Variants in NEMP2 observed in about 807,000 individuals in gnomAD.
NEMP2 encodes UPF0571 transmembrane protein.
In NEMP2, 53 loss-of-function variants were observed where a neutral mutation model predicts 54.2. That is an observed-to-expected ratio of 0.98 (90% CI 0.78 to 1.23). The LOEUF (loss-of-function observed/expected upper bound fraction) is 1.23, where lower values mean the gene tolerates loss of function less well. NEMP2 is among the 50% of genes most tolerant of loss of function. The pLI is 0.00. For synonymous variants in NEMP2, 197 were observed against 190.3 expected (o/e 1.04, Z -0.29); for missense variants, 455 against 511.3 (o/e 0.89, Z 1.06).
At chr2:190,500,975 A>G (rs1316912895), downstream of NEMP2, 1 of 152,234 alleles carries the variant, frequency 6.6e-6, no homozygotes, top group African/African-American at 2.4e-5. The surrounding 1 kb of genome is among the most constrained non-coding windows in gnomAD (Gnocchi z 5.3). Flanking sequence ...TTTCAAATCA[A>G]CCAACCAACT....
chr2:190,597,221 T>C, the NEMP2 span, among the ~76,000 whole-genome samples: 10 of 149,938 alleles, frequency 6.7e-5, no homozygotes, highest in Non-Finnish European at 1.3e-4. The surrounding 1 kb of genome is among the most constrained non-coding windows in gnomAD (Gnocchi z 4.7). Flanking sequence ...GCCATGATCA[T>C]GTCACTGCAC....
the NEMP2 span, among the ~76,000 whole-genome samples, chr2:190,475,410 A>G: frequency 2.6e-5 from 4 of 152,222 alleles, 1 homozygote; most frequent in African/African-American, 4.8e-5. Flanking sequence ...AAGCATTCTT[A>G]TATACCAGTA....
At chr2:190,430,876 C>G in the NEMP2 span, among the ~76,000 whole-genome samples, 1 of 142,464 alleles carries the variant, frequency 7.0e-6, no homozygotes, top group Non-Finnish European at 1.5e-5. Context: ...GACGGGGCGG[C>G]TGCCGGGCGG....
At chr2:190,588,917 C>T in the NEMP2 span, among the ~76,000 whole-genome samples, 1 of 152,100 alleles carries the variant, frequency 6.6e-6, no homozygotes, top group Non-Finnish European at 1.5e-5. This position sits in a 1 kb window ranked among gnomAD's most constrained non-coding sequence, Gnocchi z 5.0. Flanking sequence ...CAATTTCTTT[C>T]GTAGTCAAGG....
At position 190,525,399 on chromosome 2, in the gene NEMP2, T is replaced by C. The variant is rs1159461293; in HGVS notation, c.98-21A>G. On this transcript the variant is annotated intron_variant, in intron 1 of 8. Coordinates refer to ENST00000409150, the MANE Select transcript of NEMP2 (RefSeq NM_001142645.2). The surrounding 1 kb of genome is among the most constrained non-coding windows in gnomAD (Gnocchi z 5.0). ...ACGAACTGAGAGATGGAAAAGGGAA[T>C]GCATTTTCTAACTGTTTAATTGCCC... 2 of 1,415,208 alleles carry C rather than the reference T, an allele frequency of 1.4e-6. No homozygotes were observed. Among genetic ancestry groups the C allele is most frequent in the Non-Finnish European group, 1.9e-6 (2 of 1,030,760 alleles). The allele number at this position is 1,415,208 out of a possible 1,614,324, so 87.7% of individuals were successfully genotyped here.
At chr2:190,474,148 T>G in the NEMP2 span, among the ~76,000 whole-genome samples, 1 of 149,442 alleles carries the variant, frequency 6.7e-6, no homozygotes, top group Non-Finnish European at 1.5e-5. Context: ...ACATCACAAT[T>G]AAAAGAACTA....
chr2:190,521,407 G>A lies in NEMP2; in HGVS notation c.214-2224C>T, dbSNP rs867449958. On this transcript the variant is annotated intron_variant, in intron 2 of 8. Coordinates refer to ENST00000409150, the MANE Select transcript of NEMP2 (RefSeq NM_001142645.2). This position sits in a 1 kb window ranked among gnomAD's most constrained non-coding sequence, Gnocchi z 6.2. Reference sequence around the variant, plus strand: ...TACAGGCTCCATAAAGGTAAGTCCCGACTTGGGCACGGGATCCTATCCACG... The same window carrying A: ...TACAGGCTCCATAAAGGTAAGTCCCAACTTGGGCACGGGATCCTATCCACG... 2.0e-5 allele frequency among the ~76,000 whole-genome samples: 3 copies of A among 152,208 alleles called. No homozygotes were observed. The highest frequency in any genetic ancestry group is 3.4e-3 in the Middle Eastern group (1 of 294).
chr2:190,563,868 T>C, the NEMP2 span, among the ~76,000 whole-genome samples: 1 of 152,226 alleles, frequency 6.6e-6, no homozygotes, highest in Non-Finnish European at 1.5e-5. The surrounding 1 kb of genome is among the most constrained non-coding windows in gnomAD (Gnocchi z 4.3). Context: ...ATCAAAGCCC[T>C]GCCAAGGCCT....
At chr2:190,612,338 T>C in the NEMP2 span, among the ~76,000 whole-genome samples, 3 of 152,078 alleles carry the variant, frequency 2.0e-5, no homozygotes, top group Non-Finnish European at 4.4e-5. Flanking sequence ...GTATTTTTAG[T>C]AGAGATGGGG....
At chr2:190,423,445 T>C in the NEMP2 span, among the ~76,000 whole-genome samples, 1 of 152,238 alleles carries the variant, frequency 6.6e-6, no homozygotes, top group African/African-American at 2.4e-5. This position sits in a 1 kb window ranked among gnomAD's most constrained non-coding sequence, Gnocchi z 4.3. Context: ...TTATCCAGTT[T>C]ATTGCATGTA....
At chr2:190,545,219 C>T in the NEMP2 span, among the ~76,000 whole-genome samples, 1 of 141,668 alleles carries the variant, frequency 7.1e-6, no homozygotes, top group African/African-American at 2.5e-5. Context: ...TAGTTTGTCT[C>T]TTGCTTTGAC....
rs749942418 is a variant in NEMP2 at position 190,506,604 on chromosome 2, C to G, written c.*2585G>C. 3.9e-5 allele frequency: 6 copies of G among 152,068 alleles called. No homozygotes were observed. Among genetic ancestry groups the G allele is most frequent in the Admixed American group, 6.5e-5 (1 of 15,268 alleles). The allele number at this position is 152,068 out of a possible 1,614,324, so 9.4% of individuals were successfully genotyped here. On this transcript the variant is annotated 3_prime_UTR_variant, in exon 9 of 9. Coordinates refer to ENST00000409150, the MANE Select transcript of NEMP2 (RefSeq NM_001142645.2). This position sits in a 1 kb window ranked among gnomAD's most constrained non-coding sequence, Gnocchi z 6.3. ...GATGGACATTCCCCTGTAATTCAGC[C>G]CTAGGTATTACTGGCAAACCATACA...
the NEMP2 span, chr2:190,620,517 A>C: frequency 6.6e-6 from 1 of 152,360 alleles, no homozygotes; most frequent in African/African-American, 2.4e-5. This position sits in a 1 kb window ranked among gnomAD's most constrained non-coding sequence, Gnocchi z 4.9. Context: ...CAAATAATGA[A>C]AAGGACATAA....
the NEMP2 span, among the ~76,000 whole-genome samples, chr2:190,431,164 G>A: frequency 6.6e-6 from 1 of 151,646 alleles, no homozygotes; most frequent in South Asian, 2.1e-4. This position sits in a 1 kb window ranked among gnomAD's most constrained non-coding sequence, Gnocchi z 4.4. Flanking sequence ...AGGCAGAGAC[G>A]CTCCTCACTT....
At position 190,522,821 on chromosome 2, in the gene NEMP2, T is replaced by C. The variant is rs1238126234; in HGVS notation, c.213+2442A>G. Reference sequence around the variant, plus strand: ...AATAACTCTTTCAACCAATTGCCAATCAGAAAATTTAAAAATCTACCTATA... The same window carrying C: ...AATAACTCTTTCAACCAATTGCCAACCAGAAAATTTAAAAATCTACCTATA... On this transcript the variant is annotated intron_variant, in intron 2 of 8. Transcript: ENST00000409150. The surrounding 1 kb of genome is among the most constrained non-coding windows in gnomAD (Gnocchi z 5.0). Among the ~76,000 whole-genome samples the C allele has an allele frequency of 6.6e-6, 1 of 152,178 alleles. No individual in the cohort carries two copies. The highest frequency in any genetic ancestry group is 2.4e-5 in the African/African-American group (1 of 41,436).
chr2:190,568,713 T>C, the NEMP2 span, among the ~76,000 whole-genome samples: 1 of 152,028 alleles, frequency 6.6e-6, no homozygotes, highest in Non-Finnish European at 1.5e-5. This position sits in a 1 kb window ranked among gnomAD's most constrained non-coding sequence, Gnocchi z 4.7. Context: ...TCCCAGCTAC[T>C]CTGGAGGCTG....
At chr2:190,477,907 A>C in the NEMP2 span, among the ~76,000 whole-genome samples, 8 of 152,164 alleles carry the variant, frequency 5.3e-5, no homozygotes, top group South Asian at 1.7e-3. Flanking sequence ...GGCGAATAGG[A>C]ATCTACCAGG....
the NEMP2 span, among the ~76,000 whole-genome samples, chr2:190,607,101 G>C: frequency 6.6e-6 from 1 of 152,178 alleles, no homozygotes; most frequent in Non-Finnish European, 1.5e-5. This position sits in a 1 kb window ranked among gnomAD's most constrained non-coding sequence, Gnocchi z 5.2. Flanking sequence ...CTGAAGGCAA[G>C]TTTCCCAAGA....
At chr2:190,429,285 T>C in the NEMP2 span, among the ~76,000 whole-genome samples, 2 of 152,022 alleles carry the variant, frequency 1.3e-5, no homozygotes, top group Non-Finnish European at 2.9e-5. Context: ...TCTCACTCTT[T>C]GACTTGCCAT....
Sources: allele counts gnomAD v4.1 joint callset (sites outside exome capture counted in the v4.1 genomes callset), GRCh38; gene constraint gnomAD v4.1.1; non-coding constraint Gnocchi (gnomAD v3.1); transcripts MANE v1.5; gene names NCBI Gene and HGNC (gene_info 2026-07-23, HGNC 2026-07-21).